BRDT: variants seen among roughly 807,000 people sequenced by gnomAD.
BRDT encodes the protein bromodomain testis associated.
Under a neutral mutation model 113.9 loss-of-function variants are expected in BRDT, and 77 were observed. The observed-to-expected ratio is 0.68, with a 90% CI of 0.56 to 0.82. BRDT has a LOEUF of 0.82. BRDT is among the 40% of genes least tolerant of loss of function. BRDT has a pLI of 0.00. For missense variants in BRDT, 1,027 were observed against 1,105.4 expected (o/e 0.93, Z 1.01); for synonymous variants, 358 against 366.5 (o/e 0.98, Z 0.26).
At chr1:91,986,357 G>A (rs1022642615) in intron 12 of BRDT, among the ~76,000 whole-genome samples, 7 of 152,134 alleles carry the variant, frequency 4.6e-5, no homozygotes, top group African/African-American at 1.4e-4. Context: ...ATCAATAGGA[G>A]TACTTTTAAT....
rs150592476 is a variant in BRDT at position 91,960,094 on chromosome 1, T to C, written c.-37-2624T>C. The stretch of plus-strand genomic sequence containing the variant: ...GAGAAATTGAACTCTTGTACGTTGT[T>C]AGTGGGAATGTGAAATCATGTATTG... On this transcript the variant is annotated intron_variant, in intron 1 of 18. Coordinates refer to ENST00000399546, the MANE Select transcript of BRDT (RefSeq NM_207189.4). Among the ~76,000 whole-genome samples the C allele has an allele frequency of 4.6e-5, 7 of 152,302 alleles. No individual in the cohort carries two copies. The East Asian group carries it at 1.3e-3, about 29-fold the overall frequency.
At chr1:91,987,199 C>T (rs775278893) in intron 12 of BRDT, among the ~76,000 whole-genome samples, 24 of 152,052 alleles carry the variant, frequency 1.6e-4, no homozygotes, top group Non-Finnish European at 2.5e-4. Context: ...GGATTACAGG[C>T]ATGAGGCACC....
rs1684707761 is a variant in BRDT at position 91,981,343 on chromosome 1, T to G, written c.1826T>G (p.Val609Gly). ...KQELEKRLLDVNNQLNSRKRQ... is the reference protein window; with the variant it reads ...KQELEKRLLDGNNQLNSRKRQ... ...GAATTGGAAAAGCGGTTACTGGATG[T>G]TAATAATCAGTTAAATTCTAGAAAA... The change falls in exon 11 of 19, where the codon GTT becomes GGT. Residue 609 changes from valine (V) to glycine (G), a missense_variant. Transcript: ENST00000399546. 1 of 1,614,076 alleles carries G rather than the reference T, an allele frequency of 6.2e-7. No individual in the cohort carries two copies. The highest frequency in any genetic ancestry group is 1.3e-5 in the African/African-American group (1 of 75,056).
Position 91,980,949 on chromosome 1 carries a change from T to G in BRDT, c.1521T>G (p.Ala507=). The part of the protein sequence containing the change: ...IGLKSEDEDN[A]KPMNYDEKRQ... Reference sequence around the variant, plus strand: ...TAAAATCTGAAGATGAAGATAATGCTAAACCTATGAACTATGATGAGAAAA... The same window carrying G: ...TAAAATCTGAAGATGAAGATAATGCGAAACCTATGAACTATGATGAGAAAA... The change falls in exon 10 of 19, where the codon GCT becomes GCG. Residue 507 remains alanine, a synonymous_variant. Coordinates refer to ENST00000399546, the MANE Select transcript of BRDT (RefSeq NM_207189.4). The G allele has an allele frequency of 6.2e-7, 1 of 1,613,994 alleles. No individual in the cohort carries two copies.
chr1:91,964,339 G>C (rs1682828944), intron 2 of BRDT, among the ~76,000 whole-genome samples: 1 of 152,210 alleles, frequency 6.6e-6, no homozygotes, highest in Non-Finnish European at 1.5e-5. Flanking sequence ...GGGATTACAG[G>C]CGTGAGCCAC....
chr1:91,962,805 A>C lies in BRDT; in HGVS notation c.51A>C (p.Pro17=). 6.2e-7 allele frequency: 1 copy of C among 1,609,856 alleles called. No individual in the cohort carries two copies. The highest frequency in any genetic ancestry group is 8.5e-7 in the Non-Finnish European group (1 of 1,178,706). The change falls in exon 2 of 19, where the codon CCA becomes CCC. Residue 17 remains proline, a synonymous_variant. Transcript: ENST00000399546. The part of the protein sequence containing the change: ...QTAIIVNPPP[P]EYINTKKNGR... ...CTATTATTGTTAACCCTCCTCCACC[A>C]GAATATATAAATACTAAGAAAAATG...
intron 18 of BRDT, among the ~76,000 whole-genome samples, chr1:92,007,014 C>T (rs1687376069): frequency 6.6e-6 from 1 of 151,992 alleles, no homozygotes; most frequent in Non-Finnish European, 1.5e-5. Flanking sequence ...GTCTCGGACT[C>T]CTGAGCTCAG....
In BRDT at chr1:91,978,068, G is replaced by C. The variant is rs114062563; in HGVS notation, c.970-100G>C. 1,042 of 1,146,838 alleles carry C rather than the reference G, an allele frequency of 9.1e-4. 11 individuals are homozygous for C. The African/African-American group carries it at 0.015, about 16-fold the overall frequency. 71.0% of individuals were successfully genotyped at this position (1,146,838 alleles called of 1,614,324 possible). A position where few individuals can be genotyped will look rare whatever the true frequency, so the allele number is the denominator to read the frequency against. ...TCTGGATGGTGGACAACTGTTTTCT[G>C]TATATTTGAATTATTTTGTAATATG... On this transcript the variant is annotated intron_variant, in intron 6 of 18. Transcript: ENST00000399546.
chr1:91,988,636 G>T (rs1412560483), intron 12 of BRDT, among the ~76,000 whole-genome samples: 1 of 151,888 alleles, frequency 6.6e-6, no homozygotes, highest in East Asian at 1.9e-4. Context: ...CCTGACCTCA[G>T]GTGATCAGCC....
intron 1 of BRDT, among the ~76,000 whole-genome samples, chr1:91,961,732 C>T (rs767362060): frequency 1.3e-5 from 2 of 152,146 alleles, no homozygotes; most frequent in Non-Finnish European, 2.9e-5. Context: ...TTGTAGAATA[C>T]TTACACACTG....
intron 7 of BRDT, among the ~76,000 whole-genome samples, chr1:91,978,568 A>C (rs4658284): frequency 0.7 from 106,824 of 152,002 alleles, 38,803 homozygotes; most frequent in Middle Eastern, 0.81. Context: ...ATACAAAGGA[A>C]ACTGGGGAAA....
Position 92,014,331 on chromosome 1 carries a change from A to T in BRDT, c.*57A>T, listed in dbSNP as rs751357267. 8.5e-7 allele frequency: 1 copy of T among 1,180,454 alleles called. No individual in the cohort carries two copies. The highest frequency in any genetic ancestry group is 2.5e-5 in the East Asian group (1 of 40,126). 73.1% of individuals were successfully genotyped at this position (1,180,454 alleles called of 1,614,324 possible). Reference sequence around the variant, plus strand: ...AATGAATGGTAAAAGATCAAAATGCATATGGTAAAATGATTGCTTTCAGAT... The same window carrying T: ...AATGAATGGTAAAAGATCAAAATGCTTATGGTAAAATGATTGCTTTCAGAT... On this transcript the variant is annotated 3_prime_UTR_variant, in exon 19 of 19. Coordinates refer to ENST00000399546, the MANE Select transcript of BRDT (RefSeq NM_207189.4).
In BRDT at chr1:91,949,451, C is replaced by G. The variant is rs894575685; in HGVS notation, c.-269C>G. ...TGCGGAGAACTGTTGCCCTGCACCG[C>G]TTCATTTTGTGCAGCCTGAAAGGGG... On this transcript the variant is annotated 5_prime_UTR_variant, in exon 1 of 19. Coordinates refer to ENST00000399546, the MANE Select transcript of BRDT (RefSeq NM_207189.4). 6.6e-6 allele frequency: 1 copy of G among 152,274 alleles called. No individual in the cohort carries two copies. The highest frequency in any genetic ancestry group is 2.4e-5 in the African/African-American group (1 of 41,468). The allele number at this position is 152,274 out of a possible 1,614,324, so 9.4% of individuals were successfully genotyped here.
Position 92,004,603 on chromosome 1 carries a change from T to A in BRDT, c.2578T>A (p.Ser860Thr). ...ACAAAATACAAAGGAACTAAAAGCA[T>A]CTCAAGAAAATCAGAGGTCTGTAAT... ...LEQNTKELKA[S>T]QENQRDLGNG... The change falls in exon 17 of 19, where the codon TCT becomes ACT. Residue 860 changes from serine (S) to threonine (T), a missense_variant. Physicochemically the swap from Ser to Thr is moderately conservative, Grantham distance 58 (BLOSUM62 1). Coordinates refer to ENST00000399546, the MANE Select transcript of BRDT (RefSeq NM_207189.4). The A allele has an allele frequency of 6.2e-7, 1 of 1,605,922 alleles. No individual in the cohort carries two copies. Among genetic ancestry groups the A allele is most frequent in the African/African-American group, 1.3e-5 (1 of 74,330 alleles).
In BRDT at chr1:91,964,781, T is replaced by C. The variant is rs1239724235; in HGVS notation, c.330+17T>C. 2.1e-6 allele frequency: 3 copies of C among 1,396,610 alleles called. No homozygotes were observed. In the African/African-American group the frequency reaches 4.3e-5, roughly 20 times the overall value. The allele number at this position is 1,396,610 out of a possible 1,614,324, so 86.5% of individuals were successfully genotyped here. A position where few individuals can be genotyped will look rare whatever the true frequency, so the allele number is the denominator to read the frequency against. On this transcript the variant is annotated intron_variant, in intron 3 of 18. Transcript: ENST00000399546. Reference sequence around the variant, plus strand: ...TATAACAAGGTATGTAAGCCTTATGTTATACTTGCTAATTCTTTGCCATTA... The same window carrying C: ...TATAACAAGGTATGTAAGCCTTATGCTATACTTGCTAATTCTTTGCCATTA...
At chr1:91,986,932 T>G (rs1172138765) in intron 12 of BRDT, among the ~76,000 whole-genome samples, 1 of 117,112 alleles carries the variant, frequency 8.5e-6, no homozygotes, top group East Asian at 2.3e-4. Context: ...ATTTTAGACT[T>G]TTATAAATTC....
chr1:91,990,463 C>G (rs1414868152), intron 12 of BRDT, among the ~76,000 whole-genome samples: 3 of 152,034 alleles, frequency 2.0e-5, no homozygotes, highest in African/African-American at 7.2e-5. Context: ...TAAATTAAGC[C>G]TCTTAGGGCT....
chr1:92,007,219 T>G (rs1184714291), intron 18 of BRDT, among the ~76,000 whole-genome samples: 2 of 152,338 alleles, frequency 1.3e-5, no homozygotes, highest in South Asian at 2.1e-4. Context: ...TGCCCGTTTT[T>G]GTATTAAGCT....
intron 13 of BRDT, 70 bp downstream of exon 13, chr1:91,991,315 C>T: frequency 1.2e-6 from 1 of 819,876 alleles, no homozygotes; most frequent in Non-Finnish European, 1.8e-6. Flanking sequence ...TAGTAGCTTT[C>T]TTTAAAATTG....
Sources: allele counts gnomAD v4.1 joint callset (sites outside exome capture counted in the v4.1 genomes callset), GRCh38; gene constraint gnomAD v4.1.1; transcripts MANE v1.5; gene names NCBI Gene and HGNC (gene_info 2026-07-23, HGNC 2026-07-21).